Variants in THSD4 observed in about 807,000 individuals in gnomAD.
THSD4 encodes the protein thrombospondin type 1 domain containing 4.
Under a neutral mutation model 119.0 loss-of-function variants are expected in THSD4, and 69 were observed. The ratio of observed to expected loss-of-function variants is 0.58; its 90% confidence interval spans 0.48 to 0.71. The LOEUF (loss-of-function observed/expected upper bound fraction) is 0.71, where lower values mean the gene tolerates loss of function less well. Ranked by LOEUF, THSD4 falls within the 30% of genes least tolerant of loss-of-function variation. The probability of loss-of-function intolerance (pLI) is 0.00; values close to 1 mark genes in which losing one functional copy is unlikely to be tolerated. For synonymous variants in THSD4, 524 were observed against 540.4 expected (o/e 0.97, Z 0.42); for missense variants, 1,393 against 1,391.1 (o/e 1.00, Z -0.02).
intron 7 of THSD4, among the ~76,000 whole-genome samples, chr15:71,526,042 A>G (rs965902758): frequency 4.6e-5 from 7 of 152,234 alleles, no homozygotes; most frequent in African/African-American, 1.7e-4. Context: ...TGGATATATT[A>G]TCAAATTTAG....
intron 8 of THSD4, among the ~76,000 whole-genome samples, chr15:71,680,316 C>T (rs2051747767): frequency 1.3e-5 from 2 of 152,170 alleles, no homozygotes; most frequent in African/African-American, 4.8e-5. Flanking sequence ...ATCCAAACAG[C>T]AGGTTCTCAG....
At chr15:71,378,530 C>A (rs1001394614) in intron 6 of THSD4, among the ~76,000 whole-genome samples, 1 of 152,176 alleles carries the variant, frequency 6.6e-6, no homozygotes, top group East Asian at 1.9e-4. Context: ...TTGAGGAATT[C>A]AGAATTTCAA....
intron 4 of THSD4, among the ~76,000 whole-genome samples, chr15:71,231,916 C>T (rs2044064548): frequency 6.6e-6 from 1 of 152,204 alleles, no homozygotes; most frequent in Non-Finnish European, 1.5e-5. Context: ...TCAACCTAAA[C>T]CATTTGCTCG....
At chr15:71,470,329 A>G (rs1393461570) in intron 7 of THSD4, among the ~76,000 whole-genome samples, 1 of 152,120 alleles carries the variant, frequency 6.6e-6, no homozygotes, top group Admixed American at 6.5e-5. Context: ...AAAATTGAGA[A>G]TTTTTGTTTC....
At chr15:71,606,237 C>T (rs765959399) in intron 7 of THSD4, among the ~76,000 whole-genome samples, 2 of 152,168 alleles carry the variant, frequency 1.3e-5, no homozygotes, top group Admixed American at 6.5e-5. Context: ...TTGGTTCTTG[C>T]GAAGAGCAAA....
chr15:71,341,038 C>G, intron 6 of THSD4: 2 of 706,518 alleles, frequency 2.8e-6, no homozygotes, highest in Non-Finnish European at 4.7e-6. Context: ...CTTGCATTTC[C>G]TCTCTCTCCC....
chr15:71,660,577 A>C lies in THSD4; in HGVS notation c.1200A>C (p.Lys400Asn). ...TAGGCTCCGACAAAGTCGTGGACAA[A>C]TGTGGGGTGTGTGGAGGAGACAACA... ...DYLGSDKVVD[K>N]CGVCGGDNTG... The change falls in exon 8 of 18, where the codon AAA (lysine) becomes AAC (asparagine). Residue 400 changes from lysine (K) to asparagine (N), a missense_variant. Lys to Asn is a moderately conservative substitution (Grantham distance 94). Coordinates refer to ENST00000261862, the MANE Select transcript of THSD4 (RefSeq NM_024817.3). The C allele has an allele frequency of 6.2e-7, 1 of 1,614,132 alleles. No homozygotes were observed.
At chr15:71,501,044 C>G (rs2048104560) in intron 7 of THSD4, among the ~76,000 whole-genome samples, 1 of 152,162 alleles carries the variant, frequency 6.6e-6, no homozygotes, top group South Asian at 2.1e-4. Context: ...AAAGATTACA[C>G]TGACTTTGTA....
chr15:71,722,880 T>G (rs558195034), intron 8 of THSD4, among the ~76,000 whole-genome samples: 1 of 152,184 alleles, frequency 6.6e-6, no homozygotes, highest in South Asian at 2.1e-4. Context: ...TTTAAAAGTG[T>G]GCACAAACGG....
intron 8 of THSD4, among the ~76,000 whole-genome samples, chr15:71,699,837 G>C (rs560716545): frequency 5.5e-4 from 83 of 152,030 alleles, no homozygotes; most frequent in Non-Finnish European, 1.0e-3. Context: ...GTTCATTTTA[G>C]GATATCTATT....
chr15:71,373,829 T>G (rs945732295), intron 6 of THSD4, among the ~76,000 whole-genome samples: 1 of 152,180 alleles, frequency 6.6e-6, no homozygotes, highest in African/African-American at 2.4e-5. Flanking sequence ...GTGTTCCCGT[T>G]GAGAGTGAGT....
chr15:71,369,811 G>A (rs572433756), intron 6 of THSD4, among the ~76,000 whole-genome samples: 2 of 152,182 alleles, frequency 1.3e-5, no homozygotes, highest in Non-Finnish European at 2.9e-5. Context: ...AGTTAGGGAG[G>A]ATTCCCTCTT....
At chr15:71,165,584 G>C (rs559418741) in intron 3 of THSD4, among the ~76,000 whole-genome samples, 1 of 152,194 alleles carries the variant, frequency 6.6e-6, no homozygotes, top group East Asian at 1.9e-4. Flanking sequence ...AATGGATCCT[G>C]GGTTGTTGGT....
chr15:71,642,943 AGT>A (rs2050892929), intron 7 of THSD4, among the ~76,000 whole-genome samples: 1 of 152,072 alleles, frequency 6.6e-6, no homozygotes, highest in Non-Finnish European at 1.5e-5. Context: ...TAAAACTTAA[AGT>A]ATAATAATAA....
intron 3 of THSD4, among the ~76,000 whole-genome samples, chr15:71,200,344 C>T (rs1017870058): frequency 2.0e-5 from 3 of 152,088 alleles, no homozygotes; most frequent in Admixed American, 1.3e-4. Flanking sequence ...TGGCTTCTCA[C>T]TGGTGGTATG....
At chr15:71,348,874 C>A (rs1266791126) in intron 6 of THSD4, among the ~76,000 whole-genome samples, 1 of 152,210 alleles carries the variant, frequency 6.6e-6, no homozygotes, top group Non-Finnish European at 1.5e-5. Context: ...TCCAGAGGAA[C>A]CCTGGTAAAG....
At chr15:71,209,546 A>G (rs1352099231) in intron 3 of THSD4, among the ~76,000 whole-genome samples, 1 of 152,178 alleles carries the variant, frequency 6.6e-6, no homozygotes, top group Non-Finnish European at 1.5e-5. Flanking sequence ...TACCTCTTTC[A>G]TAGAAGGCTG....
intron 17 of THSD4, among the ~76,000 whole-genome samples, chr15:71,776,714 A>C (rs948303435): frequency 7.9e-4 from 121 of 152,382 alleles, no homozygotes; most frequent in African/African-American, 2.7e-3. Flanking sequence ...ATTAATGTCC[A>C]ACTTAAATGT....
At chr15:71,461,140 T>C (rs2047423852) in intron 7 of THSD4, among the ~76,000 whole-genome samples, 1 of 152,316 alleles carries the variant, frequency 6.6e-6, no homozygotes, top group African/African-American at 2.4e-5. Context: ...GTTAGTTGGG[T>C]CTGCAGTCAT....
Sources: gnomAD v4.1 joint callset for allele counts (sites outside exome capture counted in the v4.1 genomes callset) on GRCh38, gnomAD v4.1.1 for gene constraint, MANE v1.5 for transcripts, NCBI Gene and HGNC (gene_info 2026-07-23, HGNC 2026-07-21) for gene names.